Variants in PHIP observed in about 807,000 individuals in gnomAD.
PHIP encodes PH-interacting protein.
A neutral mutation model predicts 236.8 loss-of-function variants in PHIP; 54 were observed. The observed-to-expected ratio is 0.23, with a 90% CI of 0.18 to 0.29. PHIP has a LOEUF of 0.29. Among genes scored for constraint, PHIP ranks in the 10% least tolerant of loss-of-function variants. The pLI, the probability that PHIP is intolerant of heterozygous loss-of-function variation, is 1.00. For synonymous variants in PHIP, 756 were observed against 718.9 expected (o/e 1.05, Z -0.83); for missense variants, 1,370 against 2,190.8 (o/e 0.63, Z 7.48).
At chr6:78,947,568 T>C (rs1773894281) in intron 36 of PHIP, 55 bp downstream of exon 36, 1 of 845,274 alleles carries the variant, frequency 1.2e-6, no homozygotes, top group South Asian at 1.9e-5. Context: ...TTTAGTCATT[T>C]AACACACTCC....
In PHIP at chr6:79,074,849, A is replaced by C. The variant is rs149028490; in HGVS notation, c.189+2599T>G. ...CTAGACTAACTACAGATGATCAGTG[A>C]CTATTTTTAAATTCACATCTACAAA... On this transcript the variant is annotated intron_variant, in intron 4 of 39. Transcript: ENST00000275034. Among the ~76,000 whole-genome samples, 97 of 152,242 alleles carry C rather than the reference A, an allele frequency of 6.4e-4. 1 individual carries two copies. The South Asian group carries it at 8.1e-3, about 13-fold the overall frequency.
chr6:79,000,177 G>A (rs1481613448), intron 17 of PHIP, among the ~76,000 whole-genome samples: 1 of 151,642 alleles, frequency 6.6e-6, no homozygotes, highest in Non-Finnish European at 1.5e-5. Flanking sequence ...ACCAATTTTA[G>A]ACTCAATAAG....
At chr6:78,954,157 G>A (rs543913252) in intron 35 of PHIP, among the ~76,000 whole-genome samples, 212 of 152,070 alleles carry the variant, frequency 1.4e-3, no homozygotes, top group African/African-American at 4.8e-3. Flanking sequence ...GCTGGAGTAC[G>A]GCAGTGGGAT....
intron 23 of PHIP, among the ~76,000 whole-genome samples, chr6:78,982,481 T>C (rs902840686): frequency 2.0e-4 from 30 of 152,180 alleles, no homozygotes; most frequent in African/African-American, 7.0e-4. Context: ...CTCTGTGTGA[T>C]GTTCCTCACA....
intron 4 of PHIP, among the ~76,000 whole-genome samples, chr6:79,074,259 T>TG (rs1279937650): frequency 6.6e-6 from 1 of 151,970 alleles, no homozygotes; most frequent in Admixed American, 6.5e-5. Context: ...AACTAGTTCT[T>TG]GGGGGGAAAA....
intron 6 of PHIP, among the ~76,000 whole-genome samples, chr6:79,059,965 A>T (rs1449490726): frequency 2.0e-5 from 3 of 152,092 alleles, no homozygotes; most frequent in Non-Finnish European, 4.4e-5. Context: ...ATAGGCAAGA[A>T]GATTAGTTTG....
intron 4 of PHIP, 119 bp downstream of exon 4, chr6:79,077,329 G>T: frequency 1.1e-6 from 1 of 948,192 alleles, no homozygotes; most frequent in East Asian, 2.8e-5. Context: ...CCCTCCCCAT[G>T]GCCTTTGGAG....
chr6:78,947,897 C>T, intron 35 of PHIP, 122 bp from the exon 36 acceptor site: 1 of 547,774 alleles, frequency 1.8e-6, no homozygotes, highest in Non-Finnish European at 3.2e-6. Context: ...ATAATCACTC[C>T]TGTTCCCCTT....
chr6:78,946,338 T>G (rs1773817433), intron 37 of PHIP, 78 bp from the exon 38 acceptor site: 1 of 1,446,378 alleles, frequency 6.9e-7, no homozygotes, highest in South Asian at 1.4e-5. Flanking sequence ...ATTTTTGGAT[T>G]CAATATTTGT....
chr6:79,058,942 A>G (rs1397854392), intron 6 of PHIP, among the ~76,000 whole-genome samples: 1 of 152,086 alleles, frequency 6.6e-6, no homozygotes, highest in Non-Finnish European at 1.5e-5. Flanking sequence ...ATCCTATTAT[A>G]CCACCTTAGA....
intron 27 of PHIP, among the ~76,000 whole-genome samples, chr6:78,967,979 A>C (rs1317512504): frequency 6.8e-6 from 1 of 147,504 alleles, no homozygotes; most frequent in African/African-American, 2.5e-5. Context: ...CTAAAAATAC[A>C]AAAAAAAAAT....
intron 9 of PHIP, among the ~76,000 whole-genome samples, chr6:79,019,987 GTTC>G (rs984201877): frequency 6.6e-6 from 1 of 152,016 alleles, no homozygotes; most frequent in African/African-American, 2.4e-5. Flanking sequence ...TTTTGGCATA[GTTC>G]TTCTACACTA....
At chr6:78,980,083 T>C (rs1356638170) in intron 23 of PHIP, among the ~76,000 whole-genome samples, 1 of 152,010 alleles carries the variant, frequency 6.6e-6, no homozygotes, top group Non-Finnish European at 1.5e-5. Flanking sequence ...ATCTCACTTA[T>C]ATTTTAAAAG....
chr6:79,045,094 T>C lies in PHIP; in HGVS notation c.440-2091A>G, dbSNP rs555044504. Among the ~76,000 whole-genome samples, 91 of 152,336 alleles carry C rather than the reference T, an allele frequency of 6.0e-4. No individual in the cohort carries two copies. The South Asian group carries it at 7.5e-3, about 12-fold the overall frequency. Reference sequence around the variant, plus strand: ...ACCCTTTGTAATGCTTAGCTACCAATTAACTATTGGCTATCTATACTATGA... The same window carrying C: ...ACCCTTTGTAATGCTTAGCTACCAACTAACTATTGGCTATCTATACTATGA... On this transcript the variant is annotated intron_variant, in intron 6 of 39. Coordinates refer to ENST00000275034, the MANE Select transcript of PHIP (RefSeq NM_017934.7).
chr6:78,964,048 A>G (rs1025424458), intron 29 of PHIP, among the ~76,000 whole-genome samples: 1 of 152,234 alleles, frequency 6.6e-6, no homozygotes, highest in Non-Finnish European at 1.5e-5. Context: ...CCAAGGCATT[A>G]TAACACCAAC....
At chr6:79,063,182 A>G (rs2127774187) in intron 4 of PHIP, among the ~76,000 whole-genome samples, 1 of 152,270 alleles carries the variant, frequency 6.6e-6, no homozygotes, top group African/African-American at 2.4e-5. Flanking sequence ...TGTCCTGCAT[A>G]AGGAGAGATT....
intron 7 of PHIP, among the ~76,000 whole-genome samples, chr6:79,041,678 T>C (rs963337788): frequency 1.3e-5 from 2 of 152,122 alleles, no homozygotes; most frequent in African/African-American, 4.8e-5. Flanking sequence ...GAGAGCAAAT[T>C]ACTACTGTAG....
chr6:79,076,462 G>T (rs1484783800), intron 4 of PHIP, among the ~76,000 whole-genome samples: 1 of 152,172 alleles, frequency 6.6e-6, no homozygotes. Flanking sequence ...ACCTGTATCA[G>T]TTTAGGAGAA....
intron 7 of PHIP, among the ~76,000 whole-genome samples, chr6:79,036,820 C>T (rs1255179710): frequency 6.8e-6 from 1 of 146,198 alleles, no homozygotes; most frequent in Non-Finnish European, 1.5e-5. Context: ...ACTCGGGAGG[C>T]TGAGGCAGAA....
Sources: gnomAD v4.1 joint callset for allele counts (sites outside exome capture counted in the v4.1 genomes callset) on GRCh38, gnomAD v4.1.1 for gene constraint, MANE v1.5 for transcripts, NCBI Gene and HGNC (gene_info 2026-07-23, HGNC 2026-07-21) for gene names.